SCAF4: variants seen among roughly 807,000 people sequenced by gnomAD.
SCAF4 encodes the protein SR-related CTD associated factor 4.
In SCAF4, 25 loss-of-function variants were observed where a neutral mutation model predicts 129.8. That is an observed-to-expected ratio of 0.19 (90% CI 0.14 to 0.27). The LOEUF (loss-of-function observed/expected upper bound fraction) is 0.27. SCAF4 is among the 10% of genes least tolerant of loss of function. SCAF4 has a pLI of 1.00. For synonymous variants in SCAF4, 551 were observed against 497.7 expected (o/e 1.11, Z -1.43); for missense variants, 1,246 against 1,457.1 (o/e 0.86, Z 2.36).
At chr21:31,697,533 ACAGT>A (rs2050417331) in intron 7 of SCAF4, among the ~76,000 whole-genome samples, 1 of 152,238 alleles carries the variant, frequency 6.6e-6, no homozygotes, top group Non-Finnish European at 1.5e-5. Flanking sequence ...TTAAGATTGC[ACAGT>A]CAGTGAATGG....
At chr21:31,696,010 A>G in intron 9 of SCAF4, 103 bp downstream of exon 9, 1 of 672,464 alleles carries the variant, frequency 1.5e-6, no homozygotes, top group Non-Finnish European at 2.4e-6. Flanking sequence ...GAGATATAGT[A>G]CGACTTAGCC....
At chr21:31,677,335 G>A (rs1347254780) in intron 19 of SCAF4, among the ~76,000 whole-genome samples, 1 of 152,024 alleles carries the variant, frequency 6.6e-6, no homozygotes, top group Non-Finnish European at 1.5e-5. Context: ...TCATAAGTAT[G>A]CTGTAGTTTT....
Position 31,694,271 on chromosome 21 carries a change from G to C in SCAF4, c.1255C>G (p.Pro419Ala), listed in dbSNP as rs1317698281. 6.2e-7 allele frequency: 1 copy of C among 1,603,988 alleles called. No individual in the cohort carries two copies. The highest frequency in any genetic ancestry group is 8.5e-7 in the Non-Finnish European group (1 of 1,172,970). ...TGTCGCTTAACCTCTTGAATACAAG[G>C]TTGTTCTACTTCCATTTCCTTAAAA... ...PHQQEMEVEQ[P>A]CIQEVKRHMS... The change falls in exon 11 of 20, where the codon CCT becomes GCT. Residue 419 changes from proline to alanine, a missense_variant. By Grantham distance (27) the Pro-to-Ala change is conservative (BLOSUM62 -1). This residue lies in a region of SCAF4 where 236 missense variants were observed against 210.0 expected (regional missense o/e 1.12). Coordinates refer to ENST00000286835, the MANE Select transcript of SCAF4 (RefSeq NM_020706.2).
At chr21:31,706,475 G>C (rs2050665720) in intron 1 of SCAF4, 118 bp from the exon 2 acceptor site, 2 of 672,182 alleles carry the variant, frequency 3.0e-6, no homozygotes, top group Non-Finnish European at 5.1e-6. Context: ...GGGTGGTGAG[G>C]GGGGTCTTAG....
intron 1 of SCAF4, among the ~76,000 whole-genome samples, chr21:31,719,460 G>C (rs1338449043): frequency 6.6e-6 from 1 of 151,920 alleles, no homozygotes; most frequent in Non-Finnish European, 1.5e-5. Context: ...GTTAATTTCT[G>C]AAAACTTACT....
chr21:31,702,647 T>C (rs1451779753), intron 4 of SCAF4, among the ~76,000 whole-genome samples: 1 of 152,204 alleles, frequency 6.6e-6, no homozygotes, highest in Non-Finnish European at 1.5e-5. Flanking sequence ...CATTTTATTT[T>C]ACTTATGGTT....
chr21:31,711,631 T>C (rs985441536), intron 1 of SCAF4, among the ~76,000 whole-genome samples: 11 of 152,194 alleles, frequency 7.2e-5, no homozygotes, highest in African/African-American at 2.7e-4. Flanking sequence ...TCTAATTCTT[T>C]TAACTAGTAC....
intron 1 of SCAF4, among the ~76,000 whole-genome samples, chr21:31,719,151 G>A (rs543917713): frequency 5.3e-5 from 8 of 152,114 alleles, no homozygotes; most frequent in South Asian, 4.2e-4. Flanking sequence ...TTAGCCGGGC[G>A]TGGTGGCACA....
At chr21:31,710,307 G>C (rs987503983) in intron 1 of SCAF4, among the ~76,000 whole-genome samples, 1 of 152,058 alleles carries the variant, frequency 6.6e-6, no homozygotes, top group African/African-American at 2.4e-5. Context: ...CCAGCACTTT[G>C]GGAGGCCAAG....
intron 6 of SCAF4, among the ~76,000 whole-genome samples, 184 bp downstream of exon 6, chr21:31,701,592 C>CCCTTGTTTATCA (rs1303015506): frequency 2.0e-5 from 3 of 152,184 alleles, no homozygotes; most frequent in African/African-American, 7.2e-5. Flanking sequence ...GTGTGTTGTT[C>CCCTTGTTTATCA]CCTTGTTTAT....
intron 1 of SCAF4, among the ~76,000 whole-genome samples, chr21:31,723,320 C>T (rs763203103): frequency 2.0e-5 from 3 of 151,876 alleles, no homozygotes; most frequent in Non-Finnish European, 4.4e-5. Flanking sequence ...GGCCCGGTGG[C>T]GTGCACCTGT....
rs2049704158 is a variant in SCAF4, at chr21:31,671,756, G to A, written c.3087C>T (p.Asp1029=). The A allele has an allele frequency of 5.0e-6, 8 of 1,614,078 alleles. No homozygotes were observed. The highest frequency in any genetic ancestry group is 4.0e-5 in the African/African-American group (3 of 75,028). The stretch of plus-strand genomic sequence containing the variant: ...GGCTCCTCCTTCCCCACTCTCTCCT[G>A]TCACGGTTACTATTATCTCTATCAT... ...RNDDRDNSNR[D]RREWGRRSPD... The change falls in exon 20 of 20, where the codon GAC becomes GAT. Residue 1029 remains aspartate, a synonymous_variant. Coordinates refer to ENST00000286835, the MANE Select transcript of SCAF4 (RefSeq NM_020706.2).
At chr21:31,676,816 A>G (rs1459852647) in intron 19 of SCAF4, among the ~76,000 whole-genome samples, 1 of 152,182 alleles carries the variant, frequency 6.6e-6, no homozygotes, top group African/African-American at 2.4e-5. Flanking sequence ...TTACCCTAAA[A>G]GGAAATCCTG....
At position 31,689,934 on chromosome 21, in the gene SCAF4, C is replaced by T. The variant is rs984447231; in HGVS notation, c.1885+863G>A. ...TTAGTGACAGAGCAAGACTCCATCT[C>T]AAAACGAAACAAAAACAACAAAAAA... On this transcript the variant is annotated intron_variant, in intron 15 of 19. Transcript: ENST00000286835. Among the ~76,000 whole-genome samples the T allele has an allele frequency of 8.6e-5, 13 of 151,882 alleles. No individual in the cohort carries two copies. The East Asian group carries it at 1.2e-3, about 14-fold the overall frequency.
chr21:31,706,845 C>A, intron 1 of SCAF4: 1 of 246,628 alleles, frequency 4.1e-6, no homozygotes, highest in Non-Finnish European at 8.2e-6. Flanking sequence ...CTGATGAAGC[C>A]AGAGAAAGAA....
chr21:31,686,308 T>C (rs905519440), intron 16 of SCAF4, among the ~76,000 whole-genome samples: 16 of 152,096 alleles, frequency 1.1e-4, no homozygotes, highest in East Asian at 1.9e-4. Context: ...CCAGTGTTTA[T>C]TGGTGTTCTG....
intron 1 of SCAF4, among the ~76,000 whole-genome samples, chr21:31,719,321 A>C (rs188623129): frequency 4.6e-5 from 7 of 152,158 alleles, no homozygotes; most frequent in African/African-American, 9.6e-5. Context: ...AAACAAAAAA[A>C]ACACAACAGA....
chr21:31,722,085 C>T (rs867885811), intron 1 of SCAF4, among the ~76,000 whole-genome samples: 3 of 152,160 alleles, frequency 2.0e-5, no homozygotes, highest in East Asian at 1.9e-4. Flanking sequence ...TTTGGCAATA[C>T]TCTTTAAGTT....
At chr21:31,687,427 A>G (rs2050151914) in intron 16 of SCAF4, among the ~76,000 whole-genome samples, 1 of 152,200 alleles carries the variant, frequency 6.6e-6, no homozygotes, top group Admixed American at 6.5e-5. Flanking sequence ...GTGAAGTTAC[A>G]TGCCAAATAC....
Sources: allele counts gnomAD v4.1 joint callset (sites outside exome capture counted in the v4.1 genomes callset), GRCh38; gene constraint gnomAD v4.1.1; regional missense constraint gnomAD v4.1.1; transcripts MANE v1.5; gene names NCBI Gene and HGNC (gene_info 2026-07-23, HGNC 2026-07-21).